Variants in DHX57 observed in about 807,000 individuals in gnomAD.
The protein encoded by DHX57 is DExH-box helicase 57.
In DHX57, 105 loss-of-function variants were observed where a neutral mutation model predicts 156.2. The ratio of observed to expected loss-of-function variants is 0.67; its 90% CI spans 0.57 to 0.79. The LOEUF is 0.79. Among genes scored for constraint, DHX57 ranks in the 30% least tolerant of loss-of-function variants. The pLI, the probability that DHX57 is intolerant of heterozygous loss-of-function variation, is 0.00. For missense variants in DHX57, 1,847 were observed against 1,661.9 expected, an observed-to-expected ratio of 1.11 and a Z score of -1.94; for synonymous variants, 704 against 595.6, an observed-to-expected ratio of 1.18 and a Z score of -2.65.
At chr2:38,813,989 G>C in intron 20 of DHX57, 94 bp from the exon 21 acceptor site, 1 of 1,391,680 alleles carries the variant, frequency 7.2e-7, no homozygotes, top group Non-Finnish European at 1.0e-6. Context: ...CCAGGCAAGT[G>C]TGCAGTGGCG....
chr2:38,825,003 T>C (rs549840908), intron 16 of DHX57, among the ~76,000 whole-genome samples: 4 of 152,336 alleles, frequency 2.6e-5, no homozygotes, highest in South Asian at 4.1e-4. Context: ...TGCCTTGTGA[T>C]AGCTCTTCAA....
chr2:38,827,508 ATAT>A lies in DHX57; in HGVS notation c.2640-822_2640-820del, dbSNP rs1671156326. Among the ~76,000 whole-genome samples, 41 of 9,536 alleles carry A rather than the reference ATAT, an allele frequency of 4.3e-3. 1 individual carries two copies. The highest frequency in any genetic ancestry group is 4.5e-3 in the African/African-American group (40 of 8,814). 6.3% of individuals were successfully genotyped at this position (9,536 alleles called of 152,430 possible). On this transcript the variant is annotated intron_variant, in intron 14 of 23. Transcript: ENST00000457308. ...CTCAAAAAAAAAAAAAAAAAAAAAT[ATAT>A]ATATATATATATATATATATATACA...
At chr2:38,868,850 T>A (rs1665215403) in intron 1 of DHX57, among the ~76,000 whole-genome samples, 1 of 152,146 alleles carries the variant, frequency 6.6e-6, no homozygotes, top group Non-Finnish European at 1.5e-5. Flanking sequence ...TCTTGCTCTG[T>A]CGCCCAGGCC....
chr2:38,800,227 G>C lies in DHX57; in HGVS notation c.4018-1785C>G, dbSNP rs144823217. ...AAAATAGCCGGGCTTGGTGGTGTAC[G>C]CCTGCAGTCCCAGCTACTCAGGATG... On this transcript the variant is annotated intron_variant, in intron 23 of 23. Transcript: ENST00000457308. Among the ~76,000 whole-genome samples the C allele has an allele frequency of 4.1e-3, 614 of 150,382 alleles. 6 individuals carry two copies. Among genetic ancestry groups the C allele is most frequent in the African/African-American group, 0.014 (573 of 41,030 alleles).
chr2:38,842,809 C>T (rs964503517), intron 12 of DHX57, among the ~76,000 whole-genome samples, 196 bp downstream of exon 12: 2 of 151,964 alleles, frequency 1.3e-5, no homozygotes, highest in East Asian at 1.9e-4. Flanking sequence ...AGAAAAAAAA[C>T]CCATTGGCAA....
intron 2 of DHX57, among the ~76,000 whole-genome samples, chr2:38,866,310 C>T (rs1427132587): frequency 6.6e-6 from 1 of 152,138 alleles, no homozygotes; most frequent in African/African-American, 2.4e-5. Flanking sequence ...TCATTCTAGC[C>T]ACATGGTTCT....
In DHX57 at chr2:38,848,126, C is replaced by G. The variant is rs984188974; in HGVS notation, c.2164+143G>C. The G allele has an allele frequency of 7.8e-6, 7 of 898,314 alleles. No homozygotes were observed. In the African/African-American group the frequency reaches 8.7e-5, roughly 11 times the overall value. 55.6% of individuals were successfully genotyped at this position (898,314 alleles called of 1,614,324 possible). A position where few individuals can be genotyped will look rare whatever the true frequency, so the allele number is the denominator to read the frequency against. On this transcript the variant is annotated intron_variant, in intron 10 of 23. Coordinates refer to ENST00000457308, the MANE Select transcript of DHX57 (RefSeq NM_198963.3). Reference sequence around the variant, plus strand: ...GCAAGATATGTTACCTCCTTATCAGCTGCATTATATGGTTTATGATTTTAT... The same window carrying G: ...GCAAGATATGTTACCTCCTTATCAGGTGCATTATATGGTTTATGATTTTAT...
intron 2 of DHX57, among the ~76,000 whole-genome samples, chr2:38,865,945 T>C (rs1329516481): frequency 2.0e-5 from 3 of 152,188 alleles, no homozygotes; most frequent in Non-Finnish European, 4.4e-5. Context: ...GTCAATGCTA[T>C]TGAGTATAGA....
intron 21 of DHX57, chr2:38,810,565 C>A (rs943222473): frequency 1.7e-6 from 1 of 582,320 alleles, no homozygotes; most frequent in South Asian, 1.5e-5. Context: ...CTGCTCTCCA[C>A]TGTAGAGAGA....
chr2:38,831,742 A>AG lies in DHX57; in HGVS notation c.2543-3307dup. Among the ~76,000 whole-genome samples the AG allele has an allele frequency of 3.3e-5, 5 of 151,864 alleles. No individual in the cohort carries two copies. In the East Asian group the frequency reaches 9.8e-4, roughly 30 times the overall value. On this transcript the variant is annotated intron_variant, in intron 13 of 23. Transcript: ENST00000457308. ...CATGGTGGCGTGCACCTGTAATCCC[A>AG]GCTACTCGGGAGGCTGAGGCAGGAG...
At chr2:38,823,448 T>A (rs1329919656) in intron 16 of DHX57, among the ~76,000 whole-genome samples, 179 bp from the exon 17 acceptor site, 15 of 152,206 alleles carry the variant, frequency 9.9e-5, no homozygotes, top group Non-Finnish European at 2.9e-5. Flanking sequence ...AACTTATTCA[T>A]ATTCAGAACA....
At chr2:38,837,611 CAA>C (rs55733950) in intron 13 of DHX57, among the ~76,000 whole-genome samples, 2 of 50,356 alleles carry the variant, frequency 4.0e-5, no homozygotes, top group Admixed American at 3.8e-4. Flanking sequence ...AACCCCGTCT[CAA>C]AAAAAAAAAA....
In DHX57 at chr2:38,858,656, C is replaced by T. The variant is rs1239406955; in HGVS notation, c.1587+5G>A. ...AACGTTACTCATTCTCTCAGCATAC[C>T]CTACCTGTTTCATTCGGAACTGCTT... On this transcript the variant is annotated splice_donor_5th_base_variant and intron_variant, in intron 6 of 23. Transcript: ENST00000457308. The T allele has an allele frequency of 6.2e-7, 1 of 1,611,190 alleles. No individual in the cohort carries two copies. Among genetic ancestry groups the T allele is most frequent in the Admixed American group, 1.7e-5 (1 of 59,476 alleles).
Position 38,847,112 on chromosome 2 carries a change from A to T in DHX57, c.2165-39T>A, listed in dbSNP as rs375159230. Reference sequence around the variant, plus strand: ...GAGACAAAATAGAAAGCCTGAGAACACCCATTCAACCATCTTGAAATAGTT... The same window carrying T: ...GAGACAAAATAGAAAGCCTGAGAACTCCCATTCAACCATCTTGAAATAGTT... On this transcript the variant is annotated intron_variant, in intron 10 of 23. Coordinates refer to ENST00000457308, the MANE Select transcript of DHX57 (RefSeq NM_198963.3). The T allele has an allele frequency of 6.8e-6, 10 of 1,475,658 alleles. No homozygotes were observed. The African/African-American group carries it at 9.8e-5, about 14-fold the overall frequency. 91.4% of individuals were successfully genotyped at this position (1,475,658 alleles called of 1,614,324 possible).
chr2:38,816,681 G>C (rs1670562393), intron 19 of DHX57, among the ~76,000 whole-genome samples: 1 of 152,178 alleles, frequency 6.6e-6, no homozygotes, highest in Non-Finnish European at 1.5e-5. Flanking sequence ...ACACTACCCT[G>C]TCTCTCAATG....
chr2:38,855,999 T>C (rs1672876609), intron 7 of DHX57, among the ~76,000 whole-genome samples: 1 of 152,068 alleles, frequency 6.6e-6, no homozygotes, highest in Admixed American at 6.6e-5. Context: ...TCATCTCAGC[T>C]ACTCGGATGG....
chr2:38,802,319 G>A (rs1017876030), intron 23 of DHX57, among the ~76,000 whole-genome samples: 9 of 145,204 alleles, frequency 6.2e-5, no homozygotes, highest in Non-Finnish European at 1.2e-4. Flanking sequence ...AAGGAATCTC[G>A]CTCTGTTGCC....
intron 13 of DHX57, among the ~76,000 whole-genome samples, chr2:38,835,167 G>A (rs1161202423): frequency 6.6e-6 from 1 of 152,148 alleles, no homozygotes; most frequent in Non-Finnish European, 1.5e-5. Context: ...GTATCTGCCT[G>A]AAAAGGTTCC....
chr2:38,807,000 C>CA (rs975397795), intron 21 of DHX57, among the ~76,000 whole-genome samples: 1 of 151,648 alleles, frequency 6.6e-6, no homozygotes, highest in Admixed American at 6.6e-5. Context: ...TGCAGTGACC[C>CA]AGCTGATGAC....
Sources: gnomAD v4.1 joint callset for allele counts (sites outside exome capture counted in the v4.1 genomes callset) on GRCh38, gnomAD v4.1.1 for gene constraint, MANE v1.5 for transcripts, NCBI Gene and HGNC (gene_info 2026-07-23, HGNC 2026-07-21) for gene names.